VWA8: variants seen among roughly 807,000 people sequenced by gnomAD.
VWA8 encodes von Willebrand factor A domain-containing protein 8.
Under a neutral mutation model 241.5 loss-of-function variants are expected in VWA8, and 221 were observed. The observed-to-expected ratio is 0.91, with a 90% CI of 0.82 to 1.02. VWA8 has a LOEUF of 1.02. VWA8 is among the 50% of genes least tolerant of loss of function. The pLI, the probability that VWA8 is intolerant of heterozygous loss-of-function variation, is 0.00. For missense variants in VWA8, 2,322 were observed against 2,328.7 expected (o/e 1.00, Z 0.06); for synonymous variants, 852 against 827.1 (o/e 1.03, Z -0.52).
At chr13:41,955,838 T>TG (rs1394174254) in intron 1 of VWA8, 1 of 152,200 alleles carries the variant, frequency 6.6e-6, no homozygotes, top group African/African-American at 2.4e-5. Context: ...CAGCTGAGCT[T>TG]GGGTCAACCA....
In VWA8 at chr13:41,689,346, G is replaced by A. The variant is rs755712898; in HGVS notation, c.4131+8C>T. ...ATTTATCCGATAATTTAAAAAATGG[G>A]TGCTTACCATGAGATCTGGAAAACC... On this transcript the variant is annotated splice_region_variant and intron_variant, in intron 34 of 44. Transcript: ENST00000379310. 1.4e-5 allele frequency: 22 copies of A among 1,604,624 alleles called. No homozygotes were observed. Among genetic ancestry groups the A allele is most frequent in the Non-Finnish European group, 1.8e-5 (21 of 1,175,938 alleles).
At chr13:41,635,939 T>C (rs1002355508) in intron 37 of VWA8, among the ~76,000 whole-genome samples, 1 of 152,176 alleles carries the variant, frequency 6.6e-6, no homozygotes, top group African/African-American at 2.4e-5. Flanking sequence ...TTGTCTGTGA[T>C]CTTACAGTTC....
At position 41,699,231 on chromosome 13, in the gene VWA8, G is replaced by T. The variant is rs1360609569; in HGVS notation, c.3404C>A (p.Pro1135His). The T allele has an allele frequency of 1.2e-6, 2 of 1,614,100 alleles. No homozygotes were observed. The highest frequency in any genetic ancestry group is 1.7e-6 in the Non-Finnish European group (2 of 1,180,004). ...QNTLYVVTCN[P>H]ASLYFMNMTG... ...CATATTCATAAAGTACAGGGAAGCGGGATTGCATGTAACTACATAGAGAGT... is the reference window on the plus strand; with the variant it reads ...CATATTCATAAAGTACAGGGAAGCGTGATTGCATGTAACTACATAGAGAGT... Residue 1135 changes from proline to histidine, a missense_variant, in exon 29 of 45, where the codon CCC becomes CAC. Coordinates refer to ENST00000379310, the MANE Select transcript of VWA8 (RefSeq NM_015058.2).
At chr13:41,782,766 C>G (rs1030855340) in intron 19 of VWA8, among the ~76,000 whole-genome samples, 1 of 151,698 alleles carries the variant, frequency 6.6e-6, no homozygotes. Flanking sequence ...AGTTGTTTTA[C>G]TATAAAAGTA....
At chr13:41,800,566 A>T (rs1408380461) in intron 17 of VWA8, among the ~76,000 whole-genome samples, 1 of 151,968 alleles carries the variant, frequency 6.6e-6, no homozygotes, top group Non-Finnish European at 1.5e-5. Context: ...AGGCAGGAGG[A>T]TCATGAAGTC....
At chr13:41,899,011 C>T (rs968497114) in intron 4 of VWA8, among the ~76,000 whole-genome samples, 8 of 152,222 alleles carry the variant, frequency 5.3e-5, no homozygotes, top group Non-Finnish European at 1.0e-4. Flanking sequence ...CCTTGGCCAG[C>T]CCAGAAAGGG....
At chr13:41,817,557 G>T (rs1404628635) in intron 15 of VWA8, among the ~76,000 whole-genome samples, 1 of 152,106 alleles carries the variant, frequency 6.6e-6, no homozygotes, top group Non-Finnish European at 1.5e-5. Flanking sequence ...TTTTTTAAAT[G>T]CTAAGTCCTA....
intron 4 of VWA8, among the ~76,000 whole-genome samples, chr13:41,900,293 A>AT (rs955724522): frequency 3.0e-4 from 45 of 152,262 alleles, no homozygotes; most frequent in East Asian, 9.6e-4. Flanking sequence ...CAATATATGT[A>AT]TTTTTTTAAT....
At chr13:41,924,811 T>G (rs1336939202) in intron 2 of VWA8, among the ~76,000 whole-genome samples, 1 of 151,996 alleles carries the variant, frequency 6.6e-6, no homozygotes, top group African/African-American at 2.4e-5. Context: ...GTGCACAACG[T>G]GCAAGTCAGT....
intron 40 of VWA8, among the ~76,000 whole-genome samples, chr13:41,604,624 A>T (rs181286810): frequency 7.2e-4 from 110 of 152,278 alleles, no homozygotes; most frequent in Middle Eastern, 3.4e-3. Context: ...CATGGAAAAG[A>T]AACACAAGAT....
At chr13:41,790,466 T>C (rs1453562326) in intron 17 of VWA8, among the ~76,000 whole-genome samples, 1 of 152,034 alleles carries the variant, frequency 6.6e-6, no homozygotes, top group African/African-American at 2.4e-5. Context: ...TGCATGCAAA[T>C]TGAGTTTTTG....
intron 4 of VWA8, among the ~76,000 whole-genome samples, chr13:41,892,742 C>T (rs1052282013): frequency 2.6e-5 from 4 of 152,184 alleles, no homozygotes; most frequent in African/African-American, 9.6e-5. Context: ...ACCTGCTTCT[C>T]TTCTTTATTT....
intron 21 of VWA8, among the ~76,000 whole-genome samples, chr13:41,751,356 T>A (rs2045655091): frequency 6.6e-6 from 1 of 152,100 alleles, no homozygotes; most frequent in Non-Finnish European, 1.5e-5. Flanking sequence ...AAATTTATAA[T>A]GGGGAAGATG....
intron 12 of VWA8, among the ~76,000 whole-genome samples, chr13:41,841,251 C>A (rs943689569): frequency 6.6e-6 from 1 of 152,116 alleles, no homozygotes; most frequent in African/African-American, 2.4e-5. Flanking sequence ...AATAACACAC[C>A]TCTCAGGCTA....
intron 21 of VWA8, among the ~76,000 whole-genome samples, chr13:41,749,663 T>TA (rs1285972180): frequency 6.6e-6 from 1 of 152,138 alleles, no homozygotes; most frequent in Non-Finnish European, 1.5e-5. Flanking sequence ...CACCATGGAA[T>TA]ACTATGCAGC....
At chr13:41,703,004 G>C (rs2045259817) in intron 27 of VWA8, among the ~76,000 whole-genome samples, 1 of 152,044 alleles carries the variant, frequency 6.6e-6, no homozygotes, top group Admixed American at 6.6e-5. Flanking sequence ...GCTAAAAAGA[G>C]GCCAAAAATC....
intron 15 of VWA8, among the ~76,000 whole-genome samples, chr13:41,818,287 A>G (rs541399937): frequency 7.0e-6 from 1 of 142,658 alleles, no homozygotes; most frequent in African/African-American, 2.5e-5. Flanking sequence ...TTAATTTAAC[A>G]TGGTCAGGTG....
At chr13:41,863,455 T>TATATATATATTCA (rs1566485517) in intron 12 of VWA8, among the ~76,000 whole-genome samples, 32 of 87,126 alleles carry the variant, frequency 3.7e-4, no homozygotes, top group Middle Eastern at 6.0e-3. Context: ...ATATATATAT[T>TATATATATATTCA]CACACACACA....
chr13:41,764,224 C>T (rs1452860526), intron 20 of VWA8, among the ~76,000 whole-genome samples: 3 of 152,112 alleles, frequency 2.0e-5, no homozygotes, highest in Admixed American at 6.6e-5. Flanking sequence ...TTCTGCAAAA[C>T]GTCATTAGGA....
Sources: gnomAD v4.1 joint callset for allele counts (sites outside exome capture counted in the v4.1 genomes callset) on GRCh38, gnomAD v4.1.1 for gene constraint, MANE v1.5 for transcripts, NCBI Gene and HGNC (gene_info 2026-07-23, HGNC 2026-07-21) for gene names.